CSMD1: variants seen among roughly 807,000 people sequenced by gnomAD.
CSMD1 encodes the protein CUB and Sushi multiple domains 1, also known as CUB and sushi domain-containing protein 1.
A neutral mutation model predicts 417.5 loss-of-function variants in CSMD1; 213 were observed. The ratio of observed to expected loss-of-function variants is 0.51; its 90% CI spans 0.46 to 0.57. The LOEUF (loss-of-function observed/expected upper bound fraction) is 0.57, where lower values mean the gene tolerates loss of function less well. Among genes scored for constraint, CSMD1 ranks in the 20% least tolerant of loss-of-function variants. The pLI is 0.00. For synonymous variants in CSMD1, 2,862 were observed against 1,736.8 expected, an observed-to-expected ratio of 1.65 and a Z score of -16.11; for missense variants, 6,923 against 4,529.7, an observed-to-expected ratio of 1.53 and a Z score of -15.17.
At chr8:4,765,534 A>C (rs1812406740) in intron 1 of CSMD1, among the ~76,000 whole-genome samples, 1 of 152,228 alleles carries the variant, frequency 6.6e-6, no homozygotes, top group African/African-American at 2.4e-5. Flanking sequence ...TGGAAGGCAA[A>C]GAAAGAAATG....
At chr8:4,228,912 C>A (rs1024797211) in intron 3 of CSMD1, among the ~76,000 whole-genome samples, 1 of 152,094 alleles carries the variant, frequency 6.6e-6, no homozygotes, top group South Asian at 2.1e-4. Flanking sequence ...GAACTCCTGA[C>A]TGCCTCGGTC....
chr8:4,073,619 G>C (rs1240203455), intron 3 of CSMD1, among the ~76,000 whole-genome samples: 2 of 152,066 alleles, frequency 1.3e-5, no homozygotes, highest in Non-Finnish European at 2.9e-5. Flanking sequence ...AAAGCAAAAT[G>C]AATTGAATTT....
intron 3 of CSMD1, among the ~76,000 whole-genome samples, chr8:4,068,403 G>C (rs1799370935): frequency 1.3e-5 from 2 of 152,246 alleles, no homozygotes; most frequent in South Asian, 2.1e-4. Flanking sequence ...TTTCACACTG[G>C]GGAGAGACAT....
chr8:4,130,468 A>C (rs1803031182), intron 3 of CSMD1, among the ~76,000 whole-genome samples: 1 of 152,122 alleles, frequency 6.6e-6, no homozygotes, highest in Non-Finnish European at 1.5e-5. Flanking sequence ...CAATTGCTGA[A>C]GCTTTTGAGT....
chr8:4,205,723 A>G (rs1208992043), intron 3 of CSMD1, among the ~76,000 whole-genome samples: 1 of 126,540 alleles, frequency 7.9e-6, no homozygotes, highest in East Asian at 2.0e-4. Context: ...GGTTTATTTC[A>G]GCTCACTTCC....
intron 2 of CSMD1, among the ~76,000 whole-genome samples, chr8:4,574,197 G>A (rs1025028049): frequency 3.3e-5 from 5 of 152,174 alleles, no homozygotes; most frequent in African/African-American, 9.7e-5. Context: ...AGCTAGCTCG[G>A]TATCTGTCTG....
intron 1 of CSMD1, among the ~76,000 whole-genome samples, chr8:4,806,856 T>A (rs1798618162): frequency 6.6e-6 from 1 of 152,130 alleles, no homozygotes; most frequent in African/African-American, 2.4e-5. Flanking sequence ...AAAAAAATAA[T>A]AAAACTGCAG....
At chr8:3,621,955 T>C (rs1161521677) in intron 7 of CSMD1, among the ~76,000 whole-genome samples, 1 of 148,056 alleles carries the variant, frequency 6.8e-6, no homozygotes, top group Non-Finnish European at 1.5e-5. Context: ...ATGTTACTTC[T>C]GTCTTATGTC....
At chr8:3,000,538 G>T (rs1420955637) in intron 52 of CSMD1, among the ~76,000 whole-genome samples, 1 of 152,110 alleles carries the variant, frequency 6.6e-6, no homozygotes, top group Admixed American at 6.5e-5. Context: ...AGATCGGTGA[G>T]GGGGGCTTCC....
intron 50 of CSMD1, among the ~76,000 whole-genome samples, chr8:3,039,464 C>A (rs1457444307): frequency 6.7e-6 from 1 of 148,188 alleles, no homozygotes; most frequent in Non-Finnish European, 1.5e-5. Flanking sequence ...TCCTTCCTTC[C>A]CATTCCTTCC....
intron 5 of CSMD1, among the ~76,000 whole-genome samples, chr8:3,956,350 G>A (rs761971108): frequency 6.6e-6 from 1 of 152,170 alleles, no homozygotes; most frequent in African/African-American, 2.4e-5. Context: ...ATGTTAGTCA[G>A]TTGCCTTATA....
At chr8:3,364,074 G>A (rs1269754476) in intron 20 of CSMD1, among the ~76,000 whole-genome samples, 3 of 152,096 alleles carry the variant, frequency 2.0e-5, no homozygotes, top group Non-Finnish European at 4.4e-5. Flanking sequence ...AAAAGCATAT[G>A]AATACCATTT....
intron 2 of CSMD1, among the ~76,000 whole-genome samples, chr8:4,456,476 G>C (rs1799494573): frequency 1.3e-5 from 2 of 152,122 alleles, no homozygotes; most frequent in East Asian, 3.9e-4. Context: ...CCAACAGACA[G>C]GGAATAGTCT....
intron 7 of CSMD1, among the ~76,000 whole-genome samples, chr8:3,657,421 T>C (rs1277688724): frequency 6.6e-6 from 1 of 151,830 alleles, no homozygotes; most frequent in Non-Finnish European, 1.5e-5. Context: ...AGGTGCAAAC[T>C]AAGAAAATGA....
chr8:4,566,684 C>T (rs529787077), intron 2 of CSMD1, among the ~76,000 whole-genome samples: 2 of 141,880 alleles, frequency 1.4e-5, no homozygotes, highest in Admixed American at 1.4e-4. Context: ...AAAAAGAAAG[C>T]TAGTTTTGGT....
intron 26 of CSMD1, among the ~76,000 whole-genome samples, chr8:3,234,208 C>G (rs911999443): frequency 6.6e-6 from 1 of 152,178 alleles, no homozygotes; most frequent in Non-Finnish European, 1.5e-5. Flanking sequence ...CTCTCCATTT[C>G]TGCATTTCAT....
intron 7 of CSMD1, among the ~76,000 whole-genome samples, chr8:3,684,651 G>T (rs1012316348): frequency 1.4e-5 from 2 of 146,192 alleles, no homozygotes; most frequent in Admixed American, 7.0e-5. Flanking sequence ...AGGCTGGAGT[G>T]CAGTGGCGCT....
intron 2 of CSMD1, among the ~76,000 whole-genome samples, chr8:4,586,117 G>A (rs1232141773): frequency 1.3e-5 from 2 of 152,144 alleles, no homozygotes; most frequent in Non-Finnish European, 2.9e-5. Context: ...CAGGGTAATT[G>A]GCTATCCATC....
chr8:4,821,787 C>G (rs985536695), intron 1 of CSMD1, among the ~76,000 whole-genome samples: 1 of 152,126 alleles, frequency 6.6e-6, no homozygotes, highest in East Asian at 1.9e-4. Context: ...TTACAACTCT[C>G]TAGCAATTGG....
Sources: allele counts gnomAD v4.1 joint callset (sites outside exome capture counted in the v4.1 genomes callset), GRCh38; gene constraint gnomAD v4.1.1; transcripts MANE v1.5; gene names NCBI Gene and HGNC (gene_info 2026-07-23, HGNC 2026-07-21).